SOD3: variants seen among roughly 807,000 people sequenced by gnomAD.
SOD3 encodes superoxide dismutase 3.
SOD3 carries 3 observed loss-of-function variants against 2.6 expected under a neutral mutation model. The observed-to-expected ratio is 1.13, with a 90% CI of 0.52 to 2.93. The LOEUF (loss-of-function observed/expected upper bound fraction) is 2.93. SOD3 is among the 30% of genes most tolerant of loss of function. SOD3 has a pLI of 0.04. For missense variants in SOD3, 379 were observed against 370.4 expected (o/e 1.02, Z -0.19); for synonymous variants, 188 against 177.5 (o/e 1.06, Z -0.47).
intron 1 of SOD3, among the ~76,000 whole-genome samples, chr4:24,797,752 G>T (rs1577362433): frequency 6.6e-6 from 1 of 152,314 alleles, no homozygotes; most frequent in Admixed American, 6.5e-5. Context: ...TTCTGAAATG[G>T]TTATATAAAG....
rs8192290 is a variant in SOD3, at chr4:24,800,790, T to C, written c.*546T>C. ...CGCCACCCCACTGAGAGCTGCTCCT[T>C]TGGGGGAATGTTTGGCAACCTTTGT... is the stretch of plus-strand genomic sequence containing the variant. On this transcript the variant is annotated 3_prime_UTR_variant, in exon 2 of 2. Coordinates refer to ENST00000382120, the MANE Select transcript of SOD3 (RefSeq NM_003102.4). The C allele has an allele frequency of 0.09, 14,233 of 157,366 alleles. 1,223 individuals are homozygous for C. Among genetic ancestry groups the C allele is most frequent in the African/African-American group, 0.22 (9,076 of 41,512 alleles). 9.7% of individuals were successfully genotyped at this position (157,366 alleles called of 1,614,324 possible). A position where few individuals can be genotyped will look rare whatever the true frequency, so the allele number is the denominator to read the frequency against.
Position 24,800,289 on chromosome 4 carries a change from C to A in SOD3, c.*45C>A. The stretch of plus-strand genomic sequence containing the variant: ...GCGGCCAGGGACCCCCGAGGCCCCC[C>A]TCTGCCTTTGAGCTTCTCCTCTGCT... On this transcript the variant is annotated 3_prime_UTR_variant, in exon 2 of 2. Coordinates refer to ENST00000382120, the MANE Select transcript of SOD3 (RefSeq NM_003102.4). 7.3e-7 allele frequency: 1 copy of A among 1,368,176 alleles called. No homozygotes were observed. Among genetic ancestry groups the A allele is most frequent in the South Asian group, 1.8e-5 (1 of 55,368 alleles). 84.8% of individuals were successfully genotyped at this position (1,368,176 alleles called of 1,614,324 possible).
chr4:24,798,403 T>G (rs141248960), intron 1 of SOD3, among the ~76,000 whole-genome samples: 1 of 152,118 alleles, frequency 6.6e-6, no homozygotes, highest in Non-Finnish European at 1.5e-5. Context: ...CACTGTGCCT[T>G]CATCTTCCAT....
chr4:24,800,379 TC>T lies in SOD3; in HGVS notation c.*137del. The T allele has an allele frequency of 2.1e-6, 2 of 964,972 alleles. No individual in the cohort carries two copies. The highest frequency in any genetic ancestry group is 2.8e-6 in the Non-Finnish European group (2 of 718,542). The allele number at this position is 964,972 out of a possible 1,614,324, so 59.8% of individuals were successfully genotyped here. On this transcript the variant is annotated 3_prime_UTR_variant, in exon 2 of 2. Coordinates refer to ENST00000382120, the MANE Select transcript of SOD3 (RefSeq NM_003102.4). ...TTGCTGAAGTCTCCCCGCAGCCCTC[TC>T]CACCCAGAGGTCTCCCTATACCGAG...
In SOD3 at chr4:24,800,081, T is replaced by A. The variant is rs1278044032; in HGVS notation, c.560T>A (p.Leu187Gln). 3 of 1,408,346 alleles carry A rather than the reference T, an allele frequency of 2.1e-6. No individual in the cohort carries two copies. Among genetic ancestry groups the A allele is most frequent in the Non-Finnish European group, 2.7e-6 (3 of 1,092,550 alleles). 87.2% of individuals were successfully genotyped at this position (1,408,346 alleles called of 1,614,324 possible). ...GTCGTCCACGCTGGCGAGGACGACC[T>A]GGGCCGCGGCGGCAACCAGGCCAGC... The part of the protein sequence containing the change: ...AVVVHAGEDD[L>Q]GRGGNQASVE... The change falls in exon 2 of 2, where the codon CTG becomes CAG. Residue 187 changes from leucine (L) to glutamine (Q), a missense_variant. Physicochemically the swap from Leu to Gln is moderately radical, Grantham distance 113 (BLOSUM62 -2). Coordinates refer to ENST00000382120, the MANE Select transcript of SOD3 (RefSeq NM_003102.4).
intron 1 of SOD3, among the ~76,000 whole-genome samples, chr4:24,797,192 G>A (rs1713690898): frequency 1.3e-5 from 2 of 152,132 alleles, no homozygotes; most frequent in African/African-American, 4.8e-5. Context: ...TGATAGCTAA[G>A]AGCTGCCATT....
At chr4:24,796,394 G>A (rs1402381198) in intron 1 of SOD3, among the ~76,000 whole-genome samples, 1 of 143,962 alleles carries the variant, frequency 6.9e-6, no homozygotes, top group African/African-American at 2.5e-5. Flanking sequence ...GTTTGAGGGA[G>A]AATTTTCTTT....
At chr4:24,799,065 T>A (rs1283319140) in intron 1 of SOD3, among the ~76,000 whole-genome samples, 1 of 152,000 alleles carries the variant, frequency 6.6e-6, no homozygotes, top group Non-Finnish European at 1.5e-5. Context: ...GGAGAAGGCG[T>A]AGCACATGCA....
intron 1 of SOD3, among the ~76,000 whole-genome samples, chr4:24,796,460 T>TTG (rs1713665161): frequency 7.1e-6 from 1 of 140,646 alleles, no homozygotes; most frequent in Non-Finnish European, 1.5e-5. Context: ...TTTTTTTTTT[T>TTG]TGAGACATGG....
chr4:24,800,265 C>T lies in SOD3; in HGVS notation c.*21C>T. On this transcript the variant is annotated 3_prime_UTR_variant, in exon 2 of 2. Transcript: ENST00000382120. ...CCTGAGCGCGGCCCCCACCCGGCGG[C>T]GGCCAGGGACCCCCGAGGCCCCCCT... 7.3e-7 allele frequency: 1 copy of T among 1,378,852 alleles called. No individual in the cohort carries two copies. The highest frequency in any genetic ancestry group is 4.0e-5 in the Admixed American group (1 of 25,090). The allele number at this position is 1,378,852 out of a possible 1,614,324, so 85.4% of individuals were successfully genotyped here.
chr4:24,796,459 T>TTC (rs1713664951), intron 1 of SOD3, among the ~76,000 whole-genome samples: 1 of 141,216 alleles, frequency 7.1e-6, no homozygotes, highest in East Asian at 2.1e-4. Context: ...TTTTTTTTTT[T>TTC]TTGAGACATG....
rs144089452 is a variant in SOD3, at chr4:24,799,604, A to T, written c.83A>T (p.Asn28Ile). 7 of 1,604,566 alleles carry T rather than the reference A, an allele frequency of 4.4e-6. No individual in the cohort carries two copies. Among genetic ancestry groups the T allele is most frequent in the Non-Finnish European group, 5.9e-6 (7 of 1,178,624 alleles). The change falls in exon 2 of 2, where the codon AAC becomes ATC. Residue 28 changes from asparagine to isoleucine, a missense_variant. Coordinates refer to ENST00000382120, the MANE Select transcript of SOD3 (RefSeq NM_003102.4). Reference protein sequence around the residue: ...AWTGEDSAEPNSDSAEWIRDM... With the variant: ...AWTGEDSAEPISDSAEWIRDM... The stretch of plus-strand genomic sequence containing the variant: ...ACGGGCGAGGACTCGGCGGAGCCCA[A>T]CTCTGACTCGGCGGAGTGGATCCGA...
Position 24,799,641 on chromosome 4 carries a change from CA to C in SOD3, c.122del (p.Lys41ArgfsTer38), listed in dbSNP as rs773421932. 7 of 1,604,634 alleles carry C rather than the reference CA, an allele frequency of 4.4e-6. No individual in the cohort carries two copies. The South Asian group carries it at 7.8e-5, about 18-fold the overall frequency. ...SAEWIRDMYA[K>X]VTEIWQEVMQ... Reference sequence around the variant, plus strand: ...CGGAGTGGATCCGAGACATGTACGCCAAGGTCACGGAGATCTGGCAGGAGGT... The same window carrying C: ...CGGAGTGGATCCGAGACATGTACGCCAGGTCACGGAGATCTGGCAGGAGGT... On this transcript the variant is annotated frameshift_variant, in exon 2 of 2. Transcript: ENST00000382120. LOFTEE classifies it low-confidence loss of function (END_TRUNC).
rs34368349 is a variant in SOD3, at chr4:24,796,435, C to CTTTTTTTTTTT, written c.-17+800_-17+810dup. On this transcript the variant is annotated intron_variant, in intron 1 of 1. Coordinates refer to ENST00000382120, the MANE Select transcript of SOD3 (RefSeq NM_003102.4). ...TTTTCCTCCTCCTCCTCCTTCTTCT[C>CTTTTTTTTTTT]TTTTTTTTTTTTTTTTTTTTTTTTT... Among the ~76,000 whole-genome samples the CTTTTTTTTTTT allele has an allele frequency of 5.8e-4, 42 of 71,978 alleles. 7 individuals carry two copies. In the East Asian group the frequency reaches 0.014, roughly 24 times the overall value. The allele number at this position is 71,978 out of a possible 152,430, so 47.2% of individuals were successfully genotyped here.
At chr4:24,797,400 A>C (rs1713701565) in intron 1 of SOD3, among the ~76,000 whole-genome samples, 1 of 152,220 alleles carries the variant, frequency 6.6e-6, no homozygotes, top group Admixed American at 6.5e-5. Flanking sequence ...TGGGGATAAC[A>C]CTGAATAATG....
Position 24,799,562 on chromosome 4 carries a change from G to T in SOD3, c.41G>T (p.Gly14Val). ...TGTTCCTGCCTGCTCCTGGCAGCCG[G>T]TGCCTCGGACGCCTGGACGGGCGAG... ...LLCSCLLLAAGASDAWTGEDS... is the reference protein window; with the variant it reads ...LLCSCLLLAAVASDAWTGEDS... Residue 14 changes from glycine (G) to valine (V), a missense_variant, in exon 2 of 2, where the codon GGT (glycine) becomes GTT (valine). Transcript: ENST00000382120. 6.2e-7 allele frequency: 1 copy of T among 1,602,078 alleles called. No individual in the cohort carries two copies.
At chr4:24,796,742 C>A (rs1366174299) in intron 1 of SOD3, among the ~76,000 whole-genome samples, 8 of 151,910 alleles carry the variant, frequency 5.3e-5, no homozygotes, top group Admixed American at 4.6e-4. Flanking sequence ...GCATAAGCCA[C>A]CATGCCTGGC....
chr4:24,800,384 C>A lies in SOD3; in HGVS notation c.*140C>A. 1 of 884,860 alleles carries A rather than the reference C, an allele frequency of 1.1e-6. No homozygotes were observed. The highest frequency in any genetic ancestry group is 1.5e-6 in the Non-Finnish European group (1 of 646,100). The allele number at this position is 884,860 out of a possible 1,614,324, so 54.8% of individuals were successfully genotyped here. ...GAAGTCTCCCCGCAGCCCTCTCCAC[C>A]CAGAGGTCTCCCTATACCGAGACCC... On this transcript the variant is annotated 3_prime_UTR_variant, in exon 2 of 2. Coordinates refer to ENST00000382120, the MANE Select transcript of SOD3 (RefSeq NM_003102.4).
intron 1 of SOD3, among the ~76,000 whole-genome samples, chr4:24,799,245 G>C (rs1003677058): frequency 1.3e-5 from 2 of 152,166 alleles, no homozygotes; most frequent in Non-Finnish European, 2.9e-5. Context: ...GGACTGGAGA[G>C]GACGATGATC....
Sources: allele counts gnomAD v4.1 joint callset (sites outside exome capture counted in the v4.1 genomes callset), GRCh38; gene constraint gnomAD v4.1.1; transcripts MANE v1.5; gene names NCBI Gene and HGNC (gene_info 2026-07-23, HGNC 2026-07-21).